Variants in ADAM22 observed in about 807,000 individuals in gnomAD.
ADAM22 encodes the protein ADAM metallopeptidase domain 22, also known as disintegrin and metalloproteinase domain-containing protein 22.
In ADAM22, 65 loss-of-function variants were observed where a neutral mutation model predicts 144.6. The ratio of observed to expected loss-of-function variants is 0.45; its 90% confidence interval spans 0.37 to 0.55. The LOEUF is 0.55. Ranked by LOEUF, ADAM22 falls within the 20% of genes least tolerant of loss-of-function variation. The pLI, the probability that ADAM22 is intolerant of heterozygous loss-of-function variation, is 0.00. For missense variants in ADAM22, 974 were observed against 1,184.9 expected, an observed-to-expected ratio of 0.82 and a Z score of 2.61; for synonymous variants, 391 against 412.6, an observed-to-expected ratio of 0.95 and a Z score of 0.63.
intron 3 of ADAM22, among the ~76,000 whole-genome samples, chr7:88,066,373 G>A (rs1811247042): frequency 6.6e-6 from 1 of 152,038 alleles, no homozygotes; most frequent in Admixed American, 6.6e-5. Flanking sequence ...ATGATTTTTG[G>A]CCAGGGTAAC....
intron 3 of ADAM22, among the ~76,000 whole-genome samples, chr7:88,021,712 A>C (rs1365487215): frequency 2.0e-5 from 3 of 152,186 alleles, no homozygotes; most frequent in Non-Finnish European, 4.4e-5. Flanking sequence ...GGAATGACTG[A>C]AATTGTATTC....
chr7:88,028,677 G>GTA (rs530719336), intron 3 of ADAM22, among the ~76,000 whole-genome samples: 101 of 150,386 alleles, frequency 6.7e-4, no homozygotes, highest in Admixed American at 2.2e-3. Context: ...TTGAGTGTGT[G>GTA]TATATATATA....
At chr7:87,940,290 C>G (rs552932041) in intron 2 of ADAM22, among the ~76,000 whole-genome samples, 2 of 151,712 alleles carry the variant, frequency 1.3e-5, no homozygotes, top group East Asian at 3.9e-4. Context: ...CTATGTACCC[C>G]ATAAATATGT....
chr7:87,959,336 G>A lies in ADAM22; in HGVS notation c.247-19000G>A, dbSNP rs191900976. Among the ~76,000 whole-genome samples, 47 of 152,202 alleles carry A rather than the reference G, an allele frequency of 3.1e-4. No homozygotes were observed. In the South Asian group the frequency reaches 7.1e-3, roughly 23 times the overall value. The stretch of plus-strand genomic sequence containing the variant: ...AATATACATAAAGCTGTAGCTGGGC[G>A]TTTGGCATATAGTAAGAGCTCAATA... On this transcript the variant is annotated intron_variant, in intron 2 of 31. Transcript: ENST00000413139.
At chr7:88,046,334 T>G (rs1363595470) in intron 3 of ADAM22, among the ~76,000 whole-genome samples, 2 of 152,240 alleles carry the variant, frequency 1.3e-5, no homozygotes, top group Non-Finnish European at 2.9e-5. Context: ...TGTTGAGTAT[T>G]TTTTCATTTA....
At chr7:88,064,217 G>A (rs575673381) in intron 3 of ADAM22, among the ~76,000 whole-genome samples, 149 of 152,304 alleles carry the variant, frequency 9.8e-4, no homozygotes, top group African/African-American at 2.8e-3. Context: ...TAATGCTGAT[G>A]TAGCTACATA....
At chr7:88,068,834 A>AC (rs1811963460) in intron 3 of ADAM22, among the ~76,000 whole-genome samples, 2 of 152,234 alleles carry the variant, frequency 1.3e-5, no homozygotes, top group Non-Finnish European at 1.5e-5. Context: ...GGGCTTCCTG[A>AC]CAGCATGGTG....
intron 2 of ADAM22, among the ~76,000 whole-genome samples, chr7:87,971,687 C>A (rs1014438899): frequency 6.6e-6 from 1 of 152,130 alleles, no homozygotes; most frequent in African/African-American, 2.4e-5. Flanking sequence ...AGTACCTTAG[C>A]CTGTGTCCCC....
At chr7:88,128,842 T>G (rs1831070735) in intron 9 of ADAM22, among the ~76,000 whole-genome samples, 166 bp downstream of exon 9, 1 of 152,088 alleles carries the variant, frequency 6.6e-6, no homozygotes, top group African/African-American at 2.4e-5. Flanking sequence ...TTAGGAAATA[T>G]TCATAGGTGG....
chr7:88,114,727 C>T, intron 6 of ADAM22, 80 bp downstream of exon 6: 2 of 1,306,414 alleles, frequency 1.5e-6, no homozygotes, highest in Non-Finnish European at 2.1e-6. Context: ...TTTATCTCTA[C>T]TTTATTTCAT....
At chr7:87,957,288 G>T (rs1038804287) in intron 2 of ADAM22, among the ~76,000 whole-genome samples, 1 of 152,194 alleles carries the variant, frequency 6.6e-6, no homozygotes, top group Non-Finnish European at 1.5e-5. Context: ...TATGGTATCA[G>T]TGAAATTGAC....
intron 3 of ADAM22, among the ~76,000 whole-genome samples, chr7:88,055,785 C>T (rs962615473): frequency 1.3e-5 from 2 of 152,116 alleles, no homozygotes; most frequent in East Asian, 1.9e-4. Context: ...TAACGCTTTT[C>T]GTTTATTTAT....
chr7:88,038,486 G>A lies in ADAM22; in HGVS notation c.324-37140G>A, dbSNP rs576825004. On this transcript the variant is annotated intron_variant, in intron 3 of 31. Coordinates refer to ENST00000413139, the MANE Select transcript of ADAM22 (RefSeq NM_001324418.2). ...TTTTTTTCTTTTGAGACGGAGTTTC[G>A]CTCTGTCGCCCAGGCTGGAGTGCAG... 2.8e-5 allele frequency among the ~76,000 whole-genome samples: 4 copies of A among 141,512 alleles called. No individual in the cohort carries two copies. In the South Asian group the frequency reaches 6.7e-4, roughly 24 times the overall value. 92.8% of individuals were successfully genotyped at this position (141,512 alleles called of 152,430 possible).
chr7:87,973,678 G>A (rs1851095498), intron 2 of ADAM22, among the ~76,000 whole-genome samples: 2 of 152,096 alleles, frequency 1.3e-5, no homozygotes, highest in Non-Finnish European at 2.9e-5. Context: ...GCAAAGAGTT[G>A]GAACCAACCC....
chr7:87,984,820 A>G (rs1200985217), intron 3 of ADAM22, among the ~76,000 whole-genome samples: 1 of 151,972 alleles, frequency 6.6e-6, no homozygotes, highest in Non-Finnish European at 1.5e-5. Context: ...AGCTGGGACT[A>G]CAGGTCTGCA....
intron 3 of ADAM22, among the ~76,000 whole-genome samples, chr7:88,039,464 A>AAAAAAAAAAAAAAAAAATATAT: frequency 1.4e-4 from 11 of 76,404 alleles, no homozygotes; most frequent in African/African-American, 2.4e-4. Flanking sequence ...AAAAAAAAAA[A>AAAAAAAAAAAAAAAAAATATAT]ATATATATAT....
chr7:88,134,071 A>G (rs2129502261), intron 12 of ADAM22, among the ~76,000 whole-genome samples: 1 of 152,332 alleles, frequency 6.6e-6, no homozygotes, highest in East Asian at 1.9e-4. Flanking sequence ...GGACTCAGAT[A>G]TACATTTCCA....
intron 4 of ADAM22, among the ~76,000 whole-genome samples, chr7:88,098,206 G>A (rs1368002276): frequency 6.6e-6 from 1 of 152,108 alleles, no homozygotes; most frequent in African/African-American, 2.4e-5. Flanking sequence ...GCCATATTGT[G>A]TAAAAATAAT....
chr7:88,118,359 T>C (rs1828341813), intron 7 of ADAM22, among the ~76,000 whole-genome samples: 2 of 152,188 alleles, frequency 1.3e-5, no homozygotes, highest in South Asian at 2.1e-4. Context: ...GCCAGAGGGA[T>C]AGAAGATTTA....
Sources: gnomAD v4.1 joint callset for allele counts (sites outside exome capture counted in the v4.1 genomes callset) on GRCh38, gnomAD v4.1.1 for gene constraint, MANE v1.5 for transcripts, NCBI Gene and HGNC (gene_info 2026-07-23, HGNC 2026-07-21) for gene names.